The following OSBPL10 variants were observed in gnomAD, a reference collection of about 807,000 sequenced individuals.
The protein encoded by OSBPL10 is oxysterol binding protein like 10.
OSBPL10 carries 49 observed loss-of-function variants against 81.7 expected under a neutral mutation model. That is an observed-to-expected ratio of 0.60 (90% CI 0.48 to 0.76). The LOEUF is 0.76. Among genes scored for constraint, OSBPL10 ranks in the 30% least tolerant of loss-of-function variants. The pLI is 0.00. For missense variants in OSBPL10, 923 were observed against 987.8 expected (o/e 0.93, Z 0.88); for synonymous variants, 419 against 383.6 (o/e 1.09, Z -1.08).
chr3:31,863,300 A>C (rs1053703510), intron 3 of OSBPL10, among the ~76,000 whole-genome samples: 10 of 152,308 alleles, frequency 6.6e-5, no homozygotes, highest in African/African-American at 2.4e-4. Flanking sequence ...CAGTTCATGG[A>C]AACAGGGAAA....
chr3:31,990,201 G>A (rs764505088), intron 2 of OSBPL10: 2 of 1,613,826 alleles, frequency 1.2e-6, no homozygotes, highest in African/African-American at 2.7e-5. Context: ...AGTGTAATGA[G>A]TGTGGCAAAG....
rs576391289 is a variant in OSBPL10, at chr3:31,727,628, T to C, written c.1095+5629A>G. On this transcript the variant is annotated intron_variant, in intron 6 of 11. Transcript: ENST00000396556. ...TCAATCATCATAAGTCAGTGATAGC[T>C]ATACCTCACTCTTCAAACTGTTGAC... is the stretch of plus-strand genomic sequence containing the variant. Among the ~76,000 whole-genome samples, 9 of 152,344 alleles carry C rather than the reference T, an allele frequency of 5.9e-5. No homozygotes were observed. In the East Asian group the frequency reaches 1.7e-3, roughly 29 times the overall value.
Position 31,951,719 on chromosome 3 carries a change from A to G in OSBPL10, c.281+29180T>C, listed in dbSNP as rs180736526. 1.7e-4 allele frequency among the ~76,000 whole-genome samples: 25 copies of G among 150,888 alleles called. 1 individual carries two copies. The East Asian group carries it at 3.3e-3, about 20-fold the overall frequency. ...TAATATATAAATGTTAATTTAAACT[A>G]TATAATTATATATTTAAATTATATG... On this transcript the variant is annotated intron_variant, in intron 1 of 11. Transcript: ENST00000396556.
At chr3:31,753,125 C>T (rs1057094133) in intron 4 of OSBPL10, among the ~76,000 whole-genome samples, 7 of 151,740 alleles carry the variant, frequency 4.6e-5, no homozygotes, top group Non-Finnish European at 7.4e-5. Flanking sequence ...CCTTGGTTAA[C>T]GTAGGCACTT....
intron 4 of OSBPL10, among the ~76,000 whole-genome samples, chr3:31,824,697 C>T (rs1700060597): frequency 6.6e-6 from 1 of 152,146 alleles, no homozygotes. Context: ...AAAGCCTTCA[C>T]ATCATTCATC....
intron 6 of OSBPL10, among the ~76,000 whole-genome samples, chr3:31,716,223 T>C (rs549062845): frequency 3.2e-4 from 49 of 152,336 alleles, no homozygotes; most frequent in South Asian, 3.1e-3. Context: ...AATTGAAATA[T>C]AGTTATAACT....
At chr3:31,837,358 TATATATATATATATATAG>T (rs1700383376) in intron 3 of OSBPL10, among the ~76,000 whole-genome samples, 1 of 32,542 alleles carries the variant, frequency 3.1e-5, no homozygotes, top group Non-Finnish European at 7.2e-5. Flanking sequence ...TATATATATA[TATATATATATATATATAG>T]TAAGTAACAT....
chr3:32,025,409 T>C (rs1699394474), intron 2 of OSBPL10, among the ~76,000 whole-genome samples: 1 of 152,194 alleles, frequency 6.6e-6, no homozygotes, highest in African/African-American at 2.4e-5. Flanking sequence ...CTTGGTTTGA[T>C]AGGATTTTAT....
intron 1 of OSBPL10, among the ~76,000 whole-genome samples, chr3:31,939,051 G>C (rs1697461595): frequency 6.6e-6 from 1 of 151,606 alleles, no homozygotes; most frequent in African/African-American, 2.4e-5. Flanking sequence ...ATCCACACTA[G>C]ACTTCCCAGG....
intron 4 of OSBPL10, among the ~76,000 whole-genome samples, chr3:31,802,076 G>A (rs1699396296): frequency 6.6e-6 from 1 of 151,150 alleles, no homozygotes; most frequent in Non-Finnish European, 1.5e-5. Flanking sequence ...GTCCGCCTCG[G>A]CCTCCCAAAG....
intron 1 of OSBPL10, among the ~76,000 whole-genome samples, chr3:31,900,799 A>G (rs188618468): frequency 6.6e-6 from 1 of 152,320 alleles, no homozygotes; most frequent in Non-Finnish European, 1.5e-5. Flanking sequence ...AATGTTCTGA[A>G]ATGAGTGAGC....
intron 4 of OSBPL10, chr3:31,795,838 G>A: frequency 4.0e-6 from 1 of 248,090 alleles, no homozygotes; most frequent in Non-Finnish European, 9.0e-6. Flanking sequence ...AGTTCACACT[G>A]GAGAAAGGCC....
chr3:31,935,307 C>T lies in OSBPL10; in HGVS notation c.281+45592G>A, dbSNP rs149971921. Among the ~76,000 whole-genome samples, 227 of 152,178 alleles carry T rather than the reference C, an allele frequency of 1.5e-3. 1 individual carries two copies. The highest frequency in any genetic ancestry group is 5.1e-3 in the African/African-American group (211 of 41,530). On this transcript the variant is annotated intron_variant, in intron 1 of 11. Coordinates refer to ENST00000396556, the MANE Select transcript of OSBPL10 (RefSeq NM_017784.5). Reference sequence around the variant, plus strand: ...CCATTTATCTTAGAAATTCAAAATACATATTTGATGTTAAGGGATCTGAGA... The same window carrying T: ...CCATTTATCTTAGAAATTCAAAATATATATTTGATGTTAAGGGATCTGAGA...
At chr3:31,987,949 C>T (rs990387236) in intron 2 of OSBPL10, among the ~76,000 whole-genome samples, 2 of 152,168 alleles carry the variant, frequency 1.3e-5, no homozygotes, top group Admixed American at 1.3e-4. Flanking sequence ...GGAGCAAACA[C>T]ATATTGCCTT....
At chr3:31,729,451 T>G (rs1271764918) in intron 6 of OSBPL10, among the ~76,000 whole-genome samples, 1 of 152,158 alleles carries the variant, frequency 6.6e-6, no homozygotes, top group Non-Finnish European at 1.5e-5. Context: ...AGACAGAGTC[T>G]TACTCTGTCG....
At chr3:31,676,343 G>A (rs1266655222) in intron 8 of OSBPL10, among the ~76,000 whole-genome samples, 1 of 151,312 alleles carries the variant, frequency 6.6e-6, no homozygotes, top group Non-Finnish European at 1.5e-5. Context: ...ACTTACAAAT[G>A]GGATCACAAA....
At chr3:31,679,034 C>A (rs961797371) in intron 8 of OSBPL10, among the ~76,000 whole-genome samples, 13 of 152,068 alleles carry the variant, frequency 8.5e-5, no homozygotes, top group African/African-American at 3.1e-4. Flanking sequence ...AATGTGGCCT[C>A]TCCTCTCTGG....
At chr3:32,057,427 C>G (rs1164351832) in intron 1 of OSBPL10, among the ~76,000 whole-genome samples, 1 of 152,014 alleles carries the variant, frequency 6.6e-6, no homozygotes, top group African/African-American at 2.4e-5. Flanking sequence ...TAGAGAATTG[C>G]CTGAGACTGG....
chr3:31,999,199 G>T (rs1699120153), intron 2 of OSBPL10, among the ~76,000 whole-genome samples: 1 of 152,124 alleles, frequency 6.6e-6, no homozygotes, highest in Non-Finnish European at 1.5e-5. Context: ...ATCAGGTGTG[G>T]CATGTAGCAA....
Sources: allele counts gnomAD v4.1 joint callset (sites outside exome capture counted in the v4.1 genomes callset), GRCh38; gene constraint gnomAD v4.1.1; transcripts MANE v1.5; gene names NCBI Gene and HGNC (gene_info 2026-07-23, HGNC 2026-07-21).